LARGE1: variants seen among roughly 807,000 people sequenced by gnomAD.
LARGE1 encodes LARGE xylosyl- and glucuronyltransferase 1.
Under a neutral mutation model 87.6 loss-of-function variants are expected in LARGE1, and 43 were observed. The ratio of observed to expected loss-of-function variants is 0.49; its 90% CI spans 0.38 to 0.63. LARGE1 has a LOEUF of 0.63. LARGE1 is among the 30% of genes least tolerant of loss of function. The pLI is 0.00. For missense variants in LARGE1, 802 were observed against 1,000.2 expected (o/e 0.80, Z 2.67); for synonymous variants, 434 against 394.6 (o/e 1.10, Z -1.18).
chr22:33,256,468 T>C (rs1013603), intron 11 of LARGE1, among the ~76,000 whole-genome samples: 93,079 of 152,172 alleles, frequency 0.61, 33,251 homozygotes, highest in Non-Finnish European at 0.79. Context: ...GGCTTTACTT[T>C]TCTCATCTGT....
intron 11 of LARGE1, among the ~76,000 whole-genome samples, chr22:33,258,191 C>T (rs779631350): frequency 3.0e-4 from 45 of 152,230 alleles, no homozygotes; most frequent in African/African-American, 9.9e-4. Context: ...CCACCACGCC[C>T]GGCTAATTTT....
At chr22:33,640,577 G>A (rs1415808404) in intron 3 of LARGE1, among the ~76,000 whole-genome samples, 1 of 152,104 alleles carries the variant, frequency 6.6e-6, no homozygotes, top group Non-Finnish European at 1.5e-5. Context: ...GAATCCCAGT[G>A]AGACAGAATC....
At chr22:33,387,644 A>C (rs1167004063) in intron 7 of LARGE1, among the ~76,000 whole-genome samples, 1 of 152,042 alleles carries the variant, frequency 6.6e-6, no homozygotes, top group Non-Finnish European at 1.5e-5. Flanking sequence ...CTGAGAACTG[A>C]TGCTTTTAAA....
chr22:33,348,314 C>T (rs1940013066), intron 9 of LARGE1, among the ~76,000 whole-genome samples: 1 of 120,562 alleles, frequency 8.3e-6, no homozygotes, highest in Non-Finnish European at 1.6e-5. Flanking sequence ...AGGCAGAGAT[C>T]AAGAGTGCTG....
chr22:33,746,913 G>C (rs574473474), intron 2 of LARGE1, among the ~76,000 whole-genome samples: 2 of 152,136 alleles, frequency 1.3e-5, no homozygotes, highest in Non-Finnish European at 2.9e-5. Flanking sequence ...TCTCAAGTGG[G>C]CCAGAAGAGA....
At chr22:33,841,237 T>C (rs1242128181) in intron 1 of LARGE1, among the ~76,000 whole-genome samples, 2 of 152,160 alleles carry the variant, frequency 1.3e-5, no homozygotes, top group South Asian at 2.1e-4. Flanking sequence ...CTCATTTTTT[T>C]TTCCTCTTAC....
intron 4 of LARGE1, among the ~76,000 whole-genome samples, chr22:33,609,093 T>C (rs1017563197): frequency 2.0e-5 from 3 of 152,194 alleles, no homozygotes; most frequent in African/African-American, 7.2e-5. Flanking sequence ...ACGGGCTGAA[T>C]GAATATCTAA....
At chr22:33,439,693 C>T (rs62225296) in intron 6 of LARGE1, among the ~76,000 whole-genome samples, 1 of 152,208 alleles carries the variant, frequency 6.6e-6, no homozygotes, top group African/African-American at 2.4e-5. Flanking sequence ...CCAAAGTGCC[C>T]TACTCTTCAA....
At chr22:33,474,226 C>T (rs761808093) in intron 6 of LARGE1, among the ~76,000 whole-genome samples, 10 of 152,084 alleles carry the variant, frequency 6.6e-5, no homozygotes, top group Non-Finnish European at 1.2e-4. Flanking sequence ...TGCAATGGTG[C>T]AATCTCGGCT....
intron 2 of LARGE1, among the ~76,000 whole-genome samples, chr22:33,738,781 C>T (rs929645934): frequency 2.7e-5 from 4 of 150,016 alleles, no homozygotes; most frequent in Non-Finnish European, 5.9e-5. Flanking sequence ...GGAGGCGGAG[C>T]TTGCAGTAAG....
chr22:33,411,330 C>G (rs1163191159), intron 7 of LARGE1, among the ~76,000 whole-genome samples: 1 of 152,224 alleles, frequency 6.6e-6, no homozygotes, highest in African/African-American at 2.4e-5. Flanking sequence ...CGATCCATGG[C>G]TTCAAACACC....
chr22:33,716,435 G>C (rs1457385794), intron 2 of LARGE1, among the ~76,000 whole-genome samples: 1 of 152,084 alleles, frequency 6.6e-6, no homozygotes, highest in Non-Finnish European at 1.5e-5. Context: ...CAGAATCTCA[G>C]TCTGTCACCC....
intron 11 of LARGE1, among the ~76,000 whole-genome samples, chr22:33,216,295 G>A (rs933885842): frequency 6.6e-6 from 1 of 152,134 alleles, no homozygotes; most frequent in Admixed American, 6.5e-5. Flanking sequence ...TGGGAGGTGG[G>A]ACCTAGTGAG....
chr22:33,902,638 T>C (rs2065316117), intron 1 of LARGE1, among the ~76,000 whole-genome samples: 1 of 152,208 alleles, frequency 6.6e-6, no homozygotes. Context: ...TGAAACAGTC[T>C]GCACTGCCTA....
intron 4 of LARGE1, among the ~76,000 whole-genome samples, chr22:33,611,943 C>T (rs1200216329): frequency 6.6e-6 from 1 of 152,180 alleles, no homozygotes; most frequent in Non-Finnish European, 1.5e-5. Flanking sequence ...CCTACTTTCA[C>T]CATGTGATGT....
chr22:33,459,851 A>G (rs1219041213), intron 6 of LARGE1, among the ~76,000 whole-genome samples: 1 of 151,936 alleles, frequency 6.6e-6, no homozygotes, highest in Admixed American at 6.6e-5. Context: ...AGACAGCCCA[A>G]TTCATACCCC....
chr22:33,753,091 G>A (rs749459445), intron 2 of LARGE1, among the ~76,000 whole-genome samples: 12 of 152,104 alleles, frequency 7.9e-5, no homozygotes, highest in Middle Eastern at 3.2e-3. Context: ...GTGGTGGCAC[G>A]TGCCTGTAAT....
chr22:33,720,312 C>T (rs554294661), intron 2 of LARGE1, among the ~76,000 whole-genome samples: 6 of 152,110 alleles, frequency 3.9e-5, no homozygotes, highest in South Asian at 2.1e-4. Flanking sequence ...TGACAGGAGG[C>T]GGAGCTCACG....
intron 6 of LARGE1, among the ~76,000 whole-genome samples, chr22:33,510,241 G>A (rs1477568305): frequency 6.6e-6 from 1 of 152,156 alleles, no homozygotes; most frequent in African/African-American, 2.4e-5. Flanking sequence ...CTTGTAAGGG[G>A]GTAGTGGTGA....
Sources: allele counts gnomAD v4.1 joint callset (sites outside exome capture counted in the v4.1 genomes callset), GRCh38; gene constraint gnomAD v4.1.1; transcripts MANE v1.5; gene names NCBI Gene and HGNC (gene_info 2026-07-23, HGNC 2026-07-21).